Variants in AGBL1 observed in about 807,000 individuals in gnomAD.
AGBL1 encodes the protein cytosolic carboxypeptidase 4.
In AGBL1, 130 loss-of-function variants were observed where a neutral mutation model predicts 118.9. The ratio of observed to expected loss-of-function variants is 1.09; its 90% confidence interval spans 0.95 to 1.26. The LOEUF (loss-of-function observed/expected upper bound fraction) is 1.26, where lower values mean the gene tolerates loss of function less well. AGBL1 is among the 50% of genes most tolerant of loss of function. The probability of loss-of-function intolerance (pLI) is 0.00; values close to 1 mark genes in which losing one functional copy is unlikely to be tolerated. For missense variants in AGBL1, 1,584 were observed against 1,298.1 expected (o/e 1.22, Z -3.38); for synonymous variants, 555 against 478.9 (o/e 1.16, Z -2.08).
chr15:86,677,907 G>A (rs1463818078), intron 22 of AGBL1, among the ~76,000 whole-genome samples: 2 of 152,100 alleles, frequency 1.3e-5, no homozygotes, highest in African/African-American at 2.4e-5. Context: ...AGACAAAAGC[G>A]CCCCTATCCC....
intron 5 of AGBL1, among the ~76,000 whole-genome samples, chr15:86,210,552 A>G (rs2141884434): frequency 6.6e-6 from 1 of 152,080 alleles, no homozygotes; most frequent in South Asian, 2.1e-4. Flanking sequence ...CTCTTGCTTT[A>G]GTTCATTAAT....
intron 21 of AGBL1, among the ~76,000 whole-genome samples, chr15:86,598,581 A>G (rs2084444106): frequency 6.6e-6 from 1 of 152,062 alleles, no homozygotes; most frequent in Admixed American, 6.6e-5. Context: ...TTTGTATTCC[A>G]TCTAGGGCAG....
chr15:86,622,922 A>G (rs4444306), intron 21 of AGBL1, among the ~76,000 whole-genome samples: 21,181 of 152,144 alleles, frequency 0.14, 1,859 homozygotes, highest in African/African-American at 0.23. Context: ...GATGAGAGAC[A>G]GTGACAGATC....
chr15:86,943,347 GTGGAAAAAAAT>G, intron 23 of AGBL1, among the ~76,000 whole-genome samples: 1 of 152,296 alleles, frequency 6.6e-6, no homozygotes, highest in South Asian at 2.1e-4. Context: ...ATATCCAGAT[GTGGAAAAAAAT>G]AAATTCACAA....
At chr15:86,558,935 G>T (rs2083775341) in intron 21 of AGBL1, among the ~76,000 whole-genome samples, 1 of 152,188 alleles carries the variant, frequency 6.6e-6, no homozygotes, top group South Asian at 2.1e-4. Context: ...TTCTCTCACA[G>T]ATCTGGAAGA....
chr15:86,446,131 G>A (rs564119694), intron 18 of AGBL1, among the ~76,000 whole-genome samples: 1 of 152,242 alleles, frequency 6.6e-6, no homozygotes, highest in South Asian at 2.1e-4. Flanking sequence ...TAAGAGAGCC[G>A]ACATGATTCA....
intron 19 of AGBL1, among the ~76,000 whole-genome samples, chr15:86,525,635 T>C (rs1567040100): frequency 6.6e-6 from 1 of 152,188 alleles, no homozygotes; most frequent in East Asian, 1.9e-4. Context: ...ATTCAGTAAA[T>C]GACGCTGGGA....
intron 17 of AGBL1, among the ~76,000 whole-genome samples, chr15:86,349,764 C>A (rs2080596756): frequency 6.6e-6 from 1 of 152,164 alleles, no homozygotes; most frequent in East Asian, 1.9e-4. Flanking sequence ...TGTGTAAATC[C>A]TGTCAACTCA....
intron 21 of AGBL1, among the ~76,000 whole-genome samples, chr15:86,626,271 C>T (rs1416279578): frequency 5.9e-5 from 9 of 152,162 alleles, no homozygotes; most frequent in East Asian, 1.9e-4. Flanking sequence ...TGCCCATCAA[C>T]GATAAACTGG....
At chr15:86,363,714 G>A (rs2080839270) in intron 17 of AGBL1, among the ~76,000 whole-genome samples, 1 of 151,902 alleles carries the variant, frequency 6.6e-6, no homozygotes, top group South Asian at 2.1e-4. Context: ...ATTAATTTAG[G>A]CCTGACTTGT....
chr15:86,821,288 G>C (rs1266525934), intron 22 of AGBL1, among the ~76,000 whole-genome samples: 1 of 152,094 alleles, frequency 6.6e-6, no homozygotes, highest in Non-Finnish European at 1.5e-5. Flanking sequence ...TAACAAACAT[G>C]CATGTTCTGC....
intron 5 of AGBL1, among the ~76,000 whole-genome samples, chr15:86,194,693 G>T (rs951686070): frequency 6.6e-6 from 1 of 152,162 alleles, no homozygotes; most frequent in East Asian, 1.9e-4. Context: ...CCCGTGTTGG[G>T]TAGTTAGTAT....
At chr15:86,685,850 A>T (rs1417036437) in intron 22 of AGBL1, among the ~76,000 whole-genome samples, 1 of 152,162 alleles carries the variant, frequency 6.6e-6, no homozygotes, top group Non-Finnish European at 1.5e-5. Context: ...AGTTTCCAGG[A>T]TGAAGTGGAA....
intron 18 of AGBL1, among the ~76,000 whole-genome samples, chr15:86,518,028 A>C (rs2083143098): frequency 6.6e-6 from 1 of 152,162 alleles, no homozygotes. Flanking sequence ...TAGGCTCCAG[A>C]GCTTGCTGTG....
chr15:86,460,242 G>T (rs2082314901), intron 18 of AGBL1, among the ~76,000 whole-genome samples: 1 of 148,236 alleles, frequency 6.7e-6, no homozygotes, highest in Non-Finnish European at 1.5e-5. Flanking sequence ...AGCACTTTGG[G>T]AGGCTGCGGT....
intron 6 of AGBL1, among the ~76,000 whole-genome samples, chr15:86,228,099 T>G (rs978116179): frequency 6.6e-6 from 1 of 152,174 alleles, no homozygotes; most frequent in African/African-American, 2.4e-5. Context: ...GTACCAACAT[T>G]CTGATGAGTC....
intron 17 of AGBL1, chr15:86,304,953 C>T (rs2141809471): frequency 6.6e-6 from 1 of 152,340 alleles, no homozygotes; most frequent in Admixed American, 6.5e-5. Flanking sequence ...GTGAAAACAG[C>T]TCCATCATCA....
intron 21 of AGBL1, among the ~76,000 whole-genome samples, chr15:86,555,272 A>G (rs1486706778): frequency 6.6e-6 from 1 of 152,220 alleles, no homozygotes; most frequent in Non-Finnish European, 1.5e-5. Context: ...GCAAGCTGAC[A>G]GACTGCTCCT....
At chr15:86,674,566 G>C (rs1261704943) in intron 22 of AGBL1, 130 bp downstream of exon 22, 5 of 931,262 alleles carry the variant, frequency 5.4e-6, no homozygotes, top group Non-Finnish European at 6.2e-6. Context: ...CCCAAGTAAA[G>C]GTAGGTACAC....
Sources: allele counts gnomAD v4.1 joint callset (sites outside exome capture counted in the v4.1 genomes callset), GRCh38; gene constraint gnomAD v4.1.1; transcripts MANE v1.5; gene names NCBI Gene and HGNC (gene_info 2026-07-23, HGNC 2026-07-21).